MALRD1: variants seen among roughly 807,000 people sequenced by gnomAD.
MALRD1 encodes MAM and LDL receptor class A domain containing 1.
MALRD1 carries 247 observed loss-of-function variants against 242.1 expected under a neutral mutation model. That is an observed-to-expected ratio of 1.02 (90% CI 0.92 to 1.13). The LOEUF (loss-of-function observed/expected upper bound fraction) is 1.13, where lower values mean the gene tolerates loss of function less well. Among genes scored for constraint, MALRD1 ranks in the 50% most tolerant of loss-of-function variants. The pLI, the probability that MALRD1 is intolerant of heterozygous loss-of-function variation, is 0.00. For synonymous variants in MALRD1, 995 were observed against 866.6 expected (o/e 1.15, Z -2.60); for missense variants, 2,989 against 2,533.1 (o/e 1.18, Z -3.86).
At chr10:19,154,950 C>T (rs7477457) in intron 11 of MALRD1, 125 bp from the exon 12 acceptor site, 153,453 of 437,076 alleles carry the variant, frequency 0.35, 28,061 homozygotes, top group Admixed American at 0.4. Context: ...TAATAGTAAA[C>T]ATGTAAAAAA....
chr10:19,104,094 A>C lies in MALRD1; in HGVS notation c.694+19A>C, dbSNP rs1836379196. ...GCCAATGGTAAGAACTTTTTCTCTC[A>C]TTTTGATCTTTACTGTGTTTAAAGA... is the stretch of plus-strand genomic sequence containing the variant. On this transcript the variant is annotated intron_variant, in intron 5 of 39. Coordinates refer to ENST00000454679, the MANE Select transcript of MALRD1 (RefSeq NM_001142308.3). 1 of 1,186,392 alleles carries C rather than the reference A, an allele frequency of 8.4e-7. No individual in the cohort carries two copies. Among genetic ancestry groups the C allele is most frequent in the African/African-American group, 1.6e-5 (1 of 63,492 alleles). 73.5% of individuals were successfully genotyped at this position (1,186,392 alleles called of 1,614,324 possible).
chr10:19,695,503 AG>A (rs1443942271), intron 38 of MALRD1, among the ~76,000 whole-genome samples: 3 of 145,130 alleles, frequency 2.1e-5, no homozygotes, highest in African/African-American at 7.6e-5. Flanking sequence ...AGAGAAGCAA[AG>A]GCATGTTTTT....
intron 18 of MALRD1, among the ~76,000 whole-genome samples, chr10:19,228,884 TG>T (rs1362292569): frequency 6.6e-6 from 1 of 152,130 alleles, no homozygotes; most frequent in Non-Finnish European, 1.5e-5. Context: ...GCAACATTTT[TG>T]GTAAGTCTTT....
intron 6 of MALRD1, among the ~76,000 whole-genome samples, chr10:19,124,040 T>C (rs1229352404): frequency 2.6e-5 from 3 of 114,316 alleles, no homozygotes; most frequent in African/African-American, 1.1e-4. Flanking sequence ...ATGTCATCTC[T>C]ACCAAAAAAA....
chr10:19,148,788 A>ATATATATATATATATATATAT (rs1554797975), intron 11 of MALRD1, among the ~76,000 whole-genome samples: 1 of 88,012 alleles, frequency 1.1e-5, no homozygotes, highest in Non-Finnish European at 2.5e-5. Flanking sequence ...AAAAAAAAAA[A>ATATATATATATATATATATAT]ATATATATAT....
At chr10:19,509,732 C>T (rs1317398677) in intron 31 of MALRD1, among the ~76,000 whole-genome samples, 1 of 152,080 alleles carries the variant, frequency 6.6e-6, no homozygotes, top group Non-Finnish European at 1.5e-5. Flanking sequence ...GCATTTAAGA[C>T]CCTTGAGAGA....
At position 19,490,165 on chromosome 10, in the gene MALRD1, G is replaced by A. The variant is rs115810491; in HGVS notation, c.5030-1352G>A. 4.1e-3 allele frequency among the ~76,000 whole-genome samples: 617 copies of A among 152,226 alleles called. 7 individuals carry two copies. In the East Asian group the frequency reaches 0.05, roughly 12 times the overall value. Reference sequence around the variant, plus strand: ...TTAGGAATTGTGTACATATTGAAATGTCTGTACTGATCCTCAACCAATACA... The same window carrying A: ...TTAGGAATTGTGTACATATTGAAATATCTGTACTGATCCTCAACCAATACA... On this transcript the variant is annotated intron_variant, in intron 29 of 39. Coordinates refer to ENST00000454679, the MANE Select transcript of MALRD1 (RefSeq NM_001142308.3).
At chr10:19,703,933 A>G (rs2131853121) in intron 38 of MALRD1, among the ~76,000 whole-genome samples, 1 of 152,260 alleles carries the variant, frequency 6.6e-6, no homozygotes, top group African/African-American at 2.4e-5. Flanking sequence ...TTGCAAAATA[A>G]AGGGTAAAAA....
At chr10:19,171,738 A>ACG (rs1834975180) in intron 13 of MALRD1, among the ~76,000 whole-genome samples, 3 of 144,484 alleles carry the variant, frequency 2.1e-5, no homozygotes, top group African/African-American at 5.0e-5. Context: ...ACGTATATAT[A>ACG]TCATATAATA....
intron 36 of MALRD1, among the ~76,000 whole-genome samples, chr10:19,654,303 G>A (rs1232564258): frequency 1.3e-5 from 2 of 152,084 alleles, no homozygotes; most frequent in African/African-American, 2.4e-5. Context: ...GTTTTTTTTA[G>A]CATGTCTTAT....
At chr10:19,365,116 T>C (rs118113970) in intron 26 of MALRD1, among the ~76,000 whole-genome samples, 178 of 152,226 alleles carry the variant, frequency 1.2e-3, no homozygotes, top group Non-Finnish European at 1.9e-3. Context: ...TGAAAACACA[T>C]ACATGTTTTC....
At chr10:19,375,977 C>T (rs1422070234) in intron 26 of MALRD1, among the ~76,000 whole-genome samples, 1 of 152,094 alleles carries the variant, frequency 6.6e-6, no homozygotes, top group Non-Finnish European at 1.5e-5. Flanking sequence ...CAAAAATTTG[C>T]TGGGCGTGGT....
intron 23 of MALRD1, among the ~76,000 whole-genome samples, chr10:19,328,373 A>G (rs1384270956): frequency 6.6e-6 from 1 of 152,170 alleles, no homozygotes; most frequent in African/African-American, 2.4e-5. Context: ...TAAAATTTGA[A>G]TAAGCAGAGT....
At chr10:19,283,778 T>C in intron 21 of MALRD1, among the ~76,000 whole-genome samples, 1 of 152,220 alleles carries the variant, frequency 6.6e-6, no homozygotes. Flanking sequence ...TTCTCAACTT[T>C]CTCAACTAGT....
intron 12 of MALRD1, among the ~76,000 whole-genome samples, chr10:19,158,450 T>C (rs902575677): frequency 3.9e-5 from 6 of 152,158 alleles, no homozygotes; most frequent in African/African-American, 1.4e-4. Flanking sequence ...CAGAGATAGG[T>C]TGGATCCCAA....
At chr10:19,246,606 T>A (rs981882411) in intron 18 of MALRD1, among the ~76,000 whole-genome samples, 1 of 151,974 alleles carries the variant, frequency 6.6e-6, no homozygotes, top group African/African-American at 2.4e-5. Flanking sequence ...GACATCAGAG[T>A]ACAAGAACAA....
At chr10:19,165,612 A>G (rs1834655774) in intron 12 of MALRD1, 25 bp from the exon 13 acceptor site, 4 of 1,221,982 alleles carry the variant, frequency 3.3e-6, no homozygotes, top group African/African-American at 3.1e-5. Context: ...GAATATTTAT[A>G]TCATTGAAAA....
At position 19,533,352 on chromosome 10, in the gene MALRD1, G is replaced by A. The variant is rs547144699; in HGVS notation, c.5478+2001G>A. Among the ~76,000 whole-genome samples the A allele has an allele frequency of 3.4e-4, 52 of 152,224 alleles. No homozygotes were observed. In the South Asian group the frequency reaches 0.011, roughly 32 times the overall value. On this transcript the variant is annotated intron_variant, in intron 32 of 39. Coordinates refer to ENST00000454679, the MANE Select transcript of MALRD1 (RefSeq NM_001142308.3). Reference sequence around the variant, plus strand: ...AAGTATAACGATGCTTTTCTACTCTGGGAAGTTTTCAGAGAGGTCTACTAG... The same window carrying A: ...AAGTATAACGATGCTTTTCTACTCTAGGAAGTTTTCAGAGAGGTCTACTAG...
At chr10:19,165,606 A>G (rs2131505567) in intron 12 of MALRD1, 31 bp from the exon 13 acceptor site, 2 of 1,223,820 alleles carry the variant, frequency 1.6e-6, no homozygotes, top group East Asian at 6.3e-5. Context: ...TCAATGGAAT[A>G]TTTATATCAT....
Sources: allele counts gnomAD v4.1 joint callset (sites outside exome capture counted in the v4.1 genomes callset), GRCh38; gene constraint gnomAD v4.1.1; transcripts MANE v1.5; gene names NCBI Gene and HGNC (gene_info 2026-07-23, HGNC 2026-07-21).